The following BOP1 variants were observed in gnomAD, a reference collection of about 807,000 sequenced individuals.
BOP1 encodes ribosome biogenesis protein BOP1.
A neutral mutation model predicts 82.9 loss-of-function variants in BOP1; 54 were observed. That is an observed-to-expected ratio of 0.65 (90% CI 0.52 to 0.82). BOP1 has a LOEUF of 0.82. Ranked by LOEUF, BOP1 falls within the 40% of genes least tolerant of loss-of-function variation. The pLI, the probability that BOP1 is intolerant of heterozygous loss-of-function variation, is 0.00. For synonymous variants in BOP1, 566 were observed against 451.1 expected (o/e 1.25, Z -3.23); for missense variants, 1,170 against 1,072.0 (o/e 1.09, Z -1.28).
intron 3 of BOP1, among the ~76,000 whole-genome samples, chr8:144,273,658 G>A (rs1046220657): frequency 1.3e-5 from 2 of 152,224 alleles, no homozygotes; most frequent in South Asian, 2.1e-4. Flanking sequence ...CCCTTGCCCC[G>A]CCCCTCCACC....
intron 3 of BOP1, among the ~76,000 whole-genome samples, chr8:144,275,402 T>G (rs2130237261): frequency 6.6e-6 from 1 of 152,118 alleles, no homozygotes; most frequent in East Asian, 1.9e-4. Flanking sequence ...AATCTGCTCT[T>G]GGACACAGCC....
At chr8:144,286,737 C>T (rs1240097897) in intron 2 of BOP1, among the ~76,000 whole-genome samples, 2 of 152,234 alleles carry the variant, frequency 1.3e-5, no homozygotes, top group Admixed American at 6.5e-5. Context: ...CCCACCAGCC[C>T]GGCCGGCCTT....
intron 3 of BOP1, chr8:144,266,422 G>C: frequency 1.2e-6 from 1 of 821,230 alleles, no homozygotes; most frequent in South Asian, 5.5e-5. Flanking sequence ...CCGGGACGCC[G>C]CTATAAAGGC....
Position 144,262,426 on chromosome 8 carries a change from C to T in BOP1, c.2057G>A (p.Ser686Asn). 3 of 1,612,810 alleles carry T rather than the reference C, an allele frequency of 1.9e-6. No individual in the cohort carries two copies. Among genetic ancestry groups the T allele is most frequent in the Non-Finnish European group, 2.5e-6 (3 of 1,179,842 alleles). ...CACCATGCCATGGCAGACGATGACA[C>T]TGCCGTCGTCCGAGCCTGACGCAAA... ...PLFASGSDDG[S>N]VIVCHGMVYN... Residue 686 changes from serine to asparagine, a missense_variant, in exon 15 of 16, where the codon AGT becomes AAT. Physicochemically the swap from Ser to Asn is conservative, Grantham distance 46. Transcript: ENST00000569669.
In BOP1 at chr8:144,279,770, G is replaced by A. The variant is rs982582526; in HGVS notation, c.310-3466C>T. On this transcript the variant is annotated intron_variant, in intron 2 of 15. Coordinates refer to ENST00000569669, the MANE Select transcript of BOP1 (RefSeq NM_015201.5). ...CACCACAGGATTCTGGGCTGAGGTC[G>A]TGAAGGCCGTGTGGCTCTGCCTGGC... Among the ~76,000 whole-genome samples, 18 of 152,214 alleles carry A rather than the reference G, an allele frequency of 1.2e-4. 1 individual carries two copies. Among genetic ancestry groups the A allele is most frequent in the Admixed American group, 2.6e-4 (4 of 15,284 alleles).
chr8:144,291,162 T>G lies in BOP1; in HGVS notation c.99+110A>C, dbSNP rs1815058775. 2 of 918,076 alleles carry G rather than the reference T, an allele frequency of 2.2e-6. No individual in the cohort carries two copies. The highest frequency in any genetic ancestry group is 2.8e-6 in the Non-Finnish European group (2 of 702,606). The allele number at this position is 918,076 out of a possible 1,614,324, so 56.9% of individuals were successfully genotyped here. ...GCACCCACGCCCAAGACCGATTCAC[T>G]GGGCGCGGGCGCCCAGGTGACAGAA... On this transcript the variant is annotated intron_variant, in intron 1 of 15. Transcript: ENST00000569669. This position sits in a 1 kb window ranked among gnomAD's most constrained non-coding sequence, Gnocchi z 4.1.
intron 3 of BOP1, among the ~76,000 whole-genome samples, chr8:144,269,640 C>T (rs1845459731): frequency 6.6e-6 from 1 of 152,204 alleles, no homozygotes; most frequent in Non-Finnish European, 1.5e-5. Flanking sequence ...GAAACCCAAC[C>T]CCAAATTTCC....
intron 1 of BOP1, among the ~76,000 whole-genome samples, chr8:144,289,619 C>G (rs1456148339): frequency 6.6e-6 from 1 of 152,244 alleles, no homozygotes; most frequent in Non-Finnish European, 1.5e-5. Context: ...AAAACTAACA[C>G]TGCTCTCTAC....
chr8:144,288,982 C>T, intron 2 of BOP1, 113 bp downstream of exon 2: 5 of 1,195,202 alleles, frequency 4.2e-6, no homozygotes, highest in South Asian at 4.0e-5. Flanking sequence ...GGAGGGACGC[C>T]GGCCTTGGGG....
At position 144,282,908 on chromosome 8, in the gene BOP1, G is replaced by A. The variant is rs550957019; in HGVS notation, c.309+6187C>T. 9.2e-5 allele frequency among the ~76,000 whole-genome samples: 14 copies of A among 152,036 alleles called. 1 individual carries two copies. The highest frequency in any genetic ancestry group is 5.9e-5 in the Non-Finnish European group (4 of 68,010). On this transcript the variant is annotated intron_variant, in intron 2 of 15. Transcript: ENST00000569669. ...CTCGTTGTTGAAAGGCACTATGGTG[G>A]CCAGGTGCGGTGGCTCACGCCTGTA...
At chr8:144,275,290 G>A (rs1237132520) in intron 3 of BOP1, among the ~76,000 whole-genome samples, 2 of 152,246 alleles carry the variant, frequency 1.3e-5, no homozygotes, top group African/African-American at 4.8e-5. Context: ...CCTACCCTGG[G>A]GCCAGGCCAC....
intron 13 of BOP1, 83 bp downstream of exon 13, chr8:144,262,770 C>T (rs1845243514): frequency 7.0e-6 from 10 of 1,422,336 alleles, no homozygotes; most frequent in African/African-American, 4.7e-5. Flanking sequence ...GGTGCACTGC[C>T]CCTACCCCCA....
rs368158416 is a variant in BOP1, at chr8:144,282,266, G to A, written c.310-5962C>T. 2.6e-5 allele frequency among the ~76,000 whole-genome samples: 4 copies of A among 152,230 alleles called. No individual in the cohort carries two copies. The South Asian group carries it at 8.3e-4, about 31-fold the overall frequency. ...GCAGGGCAGGGAGCACACAGCCCAGGGCGCCCCTCCAGTGGGATGGCTCGC... is the reference window on the plus strand; with the variant it reads ...GCAGGGCAGGGAGCACACAGCCCAGAGCGCCCCTCCAGTGGGATGGCTCGC... On this transcript the variant is annotated intron_variant, in intron 2 of 15. Coordinates refer to ENST00000569669, the MANE Select transcript of BOP1 (RefSeq NM_015201.5).
chr8:144,266,289 C>G (rs1845360116), intron 3 of BOP1, among the ~76,000 whole-genome samples: 1 of 152,118 alleles, frequency 6.6e-6, no homozygotes, highest in Non-Finnish European at 1.5e-5. Context: ...AACGATGCCC[C>G]CAAAGACCAG....
At chr8:144,287,869 C>T (rs546934891) in intron 2 of BOP1, among the ~76,000 whole-genome samples, 2 of 152,324 alleles carry the variant, frequency 1.3e-5, no homozygotes, top group Admixed American at 1.3e-4. Flanking sequence ...AGCCATGGTT[C>T]CTTGGCTTCT....
Position 144,264,818 on chromosome 8 carries a change from C to A in BOP1, c.559G>T (p.Asp187Tyr). Residue 187 changes from aspartate (D) to tyrosine (Y), a missense_variant, in exon 5 of 16, where the codon GAC (aspartate) becomes TAC (tyrosine). Physicochemically the swap from Asp to Tyr is radical, Grantham distance 160 (BLOSUM62 -3). Transcript: ENST00000569669. ...CTCAGGTCCCGCCCTGTCATCGGGT[C>A]CTGCACGGTGCGCCTGGAGACCGCC... ...DDPDYWRTVQ[D>Y]PMTGRDLRLT... 1 of 1,609,518 alleles carries A rather than the reference C, an allele frequency of 6.2e-7. No individual in the cohort carries two copies. Among genetic ancestry groups the A allele is most frequent in the Non-Finnish European group, 8.5e-7 (1 of 1,179,222 alleles).
At chr8:144,269,952 G>A (rs957724119) in intron 3 of BOP1, among the ~76,000 whole-genome samples, 2 of 152,112 alleles carry the variant, frequency 1.3e-5, no homozygotes, top group Admixed American at 1.3e-4. Context: ...TCCCTCCACT[G>A]GGCACTGGGT....
chr8:144,264,864 G>A, intron 4 of BOP1, 33 bp from the exon 5 acceptor site: 1 of 1,608,160 alleles, frequency 6.2e-7, no homozygotes, highest in Non-Finnish European at 8.5e-7. Context: ...CGCCAGCCCT[G>A]CCCCACCCCT....
rs1464020951 is a variant in BOP1, at chr8:144,263,073, G to T, written c.1674C>A (p.His558Gln). Residue 558 changes from histidine (H) to glutamine (Q), a missense_variant, in exon 13 of 16, where the codon CAC (histidine) becomes CAA (glutamine). His to Gln is a conservative substitution (Grantham distance 24). Coordinates refer to ENST00000569669, the MANE Select transcript of BOP1 (RefSeq NM_015201.5). ...YLAVVLATQG[H>Q]TQVLIHQLSR... ...TCAGCTGGTGAATCAGCACCTGGGT[G>T]TGGCCTTGGGTGGCCAGCACCACGG... The T allele has an allele frequency of 3.8e-6, 6 of 1,588,570 alleles. No individual in the cohort carries two copies. The highest frequency in any genetic ancestry group is 2.7e-5 in the African/African-American group (2 of 74,726).
Sources: allele counts gnomAD v4.1 joint callset (sites outside exome capture counted in the v4.1 genomes callset), GRCh38; gene constraint gnomAD v4.1.1; non-coding constraint Gnocchi (gnomAD v3.1); transcripts MANE v1.5; gene names NCBI Gene and HGNC (gene_info 2026-07-23, HGNC 2026-07-21).